RBFOX1: variants seen among roughly 807,000 people sequenced by gnomAD.
The protein encoded by RBFOX1 is RNA binding fox-1 homolog 1.
A neutral mutation model predicts 57.7 loss-of-function variants in RBFOX1; 8 were observed. The observed-to-expected ratio is 0.14, with a 90% confidence interval of 0.08 to 0.25. RBFOX1 has a LOEUF of 0.25. RBFOX1 is among the 10% of genes least tolerant of loss of function. The pLI is 1.00. For synonymous variants in RBFOX1, 326 were observed against 222.4 expected, an observed-to-expected ratio of 1.47 and a Z score of -4.15; for missense variants, 611 against 548.5, an observed-to-expected ratio of 1.11 and a Z score of -1.14.
intron 4 of RBFOX1, among the ~76,000 whole-genome samples, chr16:5,884,441 C>G (rs1003082257): frequency 6.7e-6 from 1 of 148,938 alleles, no homozygotes; most frequent in Non-Finnish European, 1.5e-5. Flanking sequence ...TCTGTTCCAC[C>G]GCCCCGCCCC....
At chr16:7,543,801 A>G (rs1461158036) in intron 5 of RBFOX1, among the ~76,000 whole-genome samples, 1 of 151,632 alleles carries the variant, frequency 6.6e-6, no homozygotes, top group African/African-American at 2.4e-5. Context: ...GCTCACTGCA[A>G]CCTCTACCTC....
At chr16:5,901,840 T>G (rs9933735) in intron 4 of RBFOX1, among the ~76,000 whole-genome samples, 3 of 152,134 alleles carry the variant, frequency 2.0e-5, no homozygotes, top group Middle Eastern at 3.4e-3. Flanking sequence ...TGCTTATCAT[T>G]TCGTCTCTGC....
intron 3 of RBFOX1, among the ~76,000 whole-genome samples, chr16:6,979,114 G>C (rs909358546): frequency 1.3e-5 from 2 of 152,316 alleles, no homozygotes; most frequent in Admixed American, 1.3e-4. Context: ...TATGGGCTCA[G>C]ATAAAATTGT....
At chr16:6,682,120 T>C (rs143997888) in intron 3 of RBFOX1, among the ~76,000 whole-genome samples, 16 of 152,282 alleles carry the variant, frequency 1.1e-4, no homozygotes, top group African/African-American at 2.2e-4. Context: ...TCCTGGGCAA[T>C]AGTGAAGTGC....
rs374014664 is a variant in RBFOX1, at chr16:6,224,783, A to C, written c.-126-92212A>C. Among the ~76,000 whole-genome samples the C allele has an allele frequency of 7.9e-5, 12 of 152,202 alleles. No homozygotes were observed. In the East Asian group the frequency reaches 2.1e-3, roughly 27 times the overall value. ...CGCCCATAATCCCAGCATTTTAGGA[A>C]GCTGAGGTGGGTGGATCACCTGTGG... On this transcript the variant is annotated intron_variant, in intron 1 of 15. Coordinates refer to ENST00000550418, the MANE Select transcript of RBFOX1 (RefSeq NM_018723.4).
intron 11 of RBFOX1, among the ~76,000 whole-genome samples, chr16:7,648,265 G>C (rs191605411): frequency 2.6e-5 from 4 of 152,208 alleles, no homozygotes; most frequent in Non-Finnish European, 5.9e-5. Flanking sequence ...TGTCACCCAG[G>C]CTGGAGTGCA....
intron 3 of RBFOX1, among the ~76,000 whole-genome samples, chr16:5,673,600 C>G (rs1009747973): frequency 1.3e-5 from 2 of 152,218 alleles, no homozygotes; most frequent in African/African-American, 4.8e-5. Flanking sequence ...TGGAGGGCAA[C>G]TATCTCCATT....
At chr16:5,542,873 C>T (rs1262305350) in intron 2 of RBFOX1, among the ~76,000 whole-genome samples, 1 of 152,178 alleles carries the variant, frequency 6.6e-6, no homozygotes, top group East Asian at 1.9e-4. Flanking sequence ...GAACATAATT[C>T]AGCAGTTAGA....
intron 4 of RBFOX1, among the ~76,000 whole-genome samples, chr16:7,215,558 T>G (rs555860988): frequency 1.3e-5 from 2 of 152,242 alleles, no homozygotes; most frequent in African/African-American, 4.8e-5. Context: ...AGTTCAATGT[T>G]TTGTAAGTAC....
At chr16:7,175,288 G>C (rs144674695) in intron 4 of RBFOX1, among the ~76,000 whole-genome samples, 1 of 152,210 alleles carries the variant, frequency 6.6e-6, no homozygotes, top group East Asian at 1.9e-4. Context: ...TTATAAGTGA[G>C]AACAAAGTGC....
intron 3 of RBFOX1, among the ~76,000 whole-genome samples, chr16:6,729,126 T>C (rs5006209): frequency 0.97 from 147,234 of 152,204 alleles, 71,419 homozygotes; most frequent in Middle Eastern, 1. Context: ...TAAGGAGTTT[T>C]GTTCTTTATA....
At chr16:5,957,317 C>T (rs9928267) in intron 4 of RBFOX1, among the ~76,000 whole-genome samples, 6,962 of 152,208 alleles carry the variant, frequency 0.046, 516 homozygotes, top group African/African-American at 0.15. Context: ...GGTGTTCAAG[C>T]GATTCTCTTG....
intron 4 of RBFOX1, among the ~76,000 whole-genome samples, chr16:7,284,528 G>T (rs1182283043): frequency 6.6e-6 from 1 of 151,826 alleles, no homozygotes; most frequent in Non-Finnish European, 1.5e-5. Context: ...ATGAGGTCCT[G>T]CTATATTGTC....
intron 3 of RBFOX1, among the ~76,000 whole-genome samples, chr16:6,751,905 C>T (rs1176593306): frequency 6.6e-6 from 1 of 152,114 alleles, no homozygotes; most frequent in East Asian, 1.9e-4. Flanking sequence ...TATGAATTTT[C>T]CAGGGGTGCC....
At chr16:6,426,375 A>C (rs75716745) in intron 2 of RBFOX1, among the ~76,000 whole-genome samples, 1,788 of 152,250 alleles carry the variant, frequency 0.012, 37 homozygotes, top group African/African-American at 0.041. Context: ...GGAGAAGGAA[A>C]GTGTCCAGGA....
At chr16:5,441,999 C>A (rs2068099620) in intron 1 of RBFOX1, among the ~76,000 whole-genome samples, 1 of 152,134 alleles carries the variant, frequency 6.6e-6, no homozygotes, top group Non-Finnish European at 1.5e-5. Flanking sequence ...AAGACACTAT[C>A]CCTGAATGTA....
At chr16:5,719,758 C>T (rs2051858443) in intron 3 of RBFOX1, among the ~76,000 whole-genome samples, 3 of 152,104 alleles carry the variant, frequency 2.0e-5, no homozygotes, top group Non-Finnish European at 2.9e-5. Context: ...CTTTTTATTT[C>T]TGAATAATCC....
At chr16:5,771,296 G>C (rs1158555903) in intron 3 of RBFOX1, among the ~76,000 whole-genome samples, 5 of 152,240 alleles carry the variant, frequency 3.3e-5, no homozygotes, top group Non-Finnish European at 7.3e-5. Flanking sequence ...CTCTCCTTCT[G>C]AGGAGGGAGT....
intron 1 of RBFOX1, among the ~76,000 whole-genome samples, chr16:6,032,913 C>T (rs142122533): frequency 2.0e-5 from 3 of 150,744 alleles, no homozygotes; most frequent in East Asian, 3.9e-4. Flanking sequence ...CTCTCCCAGC[C>T]ATTGTTCAGG....
Sources: allele counts gnomAD v4.1 joint callset (sites outside exome capture counted in the v4.1 genomes callset), GRCh38; gene constraint gnomAD v4.1.1; transcripts MANE v1.5; gene names NCBI Gene and HGNC (gene_info 2026-07-23, HGNC 2026-07-21).